Variants in PTCHD4 observed in about 807,000 individuals in gnomAD.
PTCHD4 encodes patched domain containing 4.
In PTCHD4, 33 loss-of-function variants were observed where a neutral mutation model predicts 58.1. That is an observed-to-expected ratio of 0.57 (90% CI 0.43 to 0.76). PTCHD4 has a LOEUF of 0.76. Ranked by LOEUF, PTCHD4 falls within the 30% of genes least tolerant of loss-of-function variation. The pLI is 0.00. For synonymous variants in PTCHD4, 478 were observed against 409.6 expected (o/e 1.17, Z -2.02); for missense variants, 1,058 against 1,027.1 (o/e 1.03, Z -0.41).
At chr6:47,901,777 T>A in intron 4 of PTCHD4, 1 of 1,236,786 alleles carries the variant, frequency 8.1e-7, no homozygotes, top group Non-Finnish European at 1.0e-6. Flanking sequence ...ATGATGATGA[T>A]GACGATGATG....
At chr6:48,006,328 C>T (rs1435229579) in intron 4 of PTCHD4, among the ~76,000 whole-genome samples, 1 of 152,206 alleles carries the variant, frequency 6.6e-6, no homozygotes, top group Non-Finnish European at 1.5e-5. Context: ...TCTCGGGCTT[C>T]ACAGAGCCTA....
chr6:48,078,599 G>A (rs542618526), intron 1 of PTCHD4, among the ~76,000 whole-genome samples: 2 of 152,228 alleles, frequency 1.3e-5, no homozygotes, highest in East Asian at 3.9e-4. Flanking sequence ...AAATCCAATA[G>A]TAATATAAGT....
chr6:47,881,140 G>A (rs1764010897), intron 4 of PTCHD4, among the ~76,000 whole-genome samples: 1 of 152,172 alleles, frequency 6.6e-6, no homozygotes, highest in African/African-American at 2.4e-5. Flanking sequence ...ACTAGTTTAT[G>A]AAAACCTGGA....
At chr6:48,051,046 T>A (rs332565) in intron 3 of PTCHD4, among the ~76,000 whole-genome samples, 21,466 of 152,034 alleles carry the variant, frequency 0.14, 1,928 homozygotes, top group Middle Eastern at 0.28. Context: ...AATTTGTAGA[T>A]GAACATCAAT....
At chr6:47,980,263 C>T (rs1192784436) in intron 4 of PTCHD4, among the ~76,000 whole-genome samples, 1 of 151,776 alleles carries the variant, frequency 6.6e-6, no homozygotes, top group African/African-American at 2.4e-5. Flanking sequence ...GCACTTTAGG[C>T]CACAAAACCC....
intron 4 of PTCHD4, among the ~76,000 whole-genome samples, chr6:47,962,824 C>G (rs1397785797): frequency 6.7e-6 from 1 of 149,400 alleles, no homozygotes; most frequent in Non-Finnish European, 1.5e-5. Context: ...ATTCCTACAA[C>G]TCAGCAAAAA....
At chr6:48,037,335 C>A (rs1763676421) in intron 3 of PTCHD4, among the ~76,000 whole-genome samples, 1 of 152,070 alleles carries the variant, frequency 6.6e-6, no homozygotes, top group Non-Finnish European at 1.5e-5. Flanking sequence ...ACAGTATATA[C>A]AGGGTTTGGT....
At chr6:48,080,204 A>G (rs1467370371) in intron 1 of PTCHD4, among the ~76,000 whole-genome samples, 1 of 152,146 alleles carries the variant, frequency 6.6e-6, no homozygotes, top group Non-Finnish European at 1.5e-5. Flanking sequence ...AGCCTGTCAA[A>G]CAAAGTGAAG....
intron 3 of PTCHD4, among the ~76,000 whole-genome samples, chr6:48,041,146 G>A (rs945083762): frequency 2.6e-5 from 4 of 152,062 alleles, no homozygotes; most frequent in Non-Finnish European, 5.9e-5. Flanking sequence ...GTTCAGTTGA[G>A]TGAGCAAACT....
chr6:48,059,379 G>T (rs1275456764), intron 3 of PTCHD4, among the ~76,000 whole-genome samples: 1 of 152,158 alleles, frequency 6.6e-6, no homozygotes, highest in African/African-American at 2.4e-5. Context: ...GGTGGTTCAC[G>T]CCTGTAATCC....
chr6:47,929,482 T>C (rs941603796), intron 4 of PTCHD4, among the ~76,000 whole-genome samples: 1 of 152,228 alleles, frequency 6.6e-6, no homozygotes, highest in African/African-American at 2.4e-5. Context: ...CTTGCGGTCA[T>C]TTTAAGATGC....
intron 4 of PTCHD4, among the ~76,000 whole-genome samples, chr6:47,982,664 T>C (rs190182381): frequency 0.011 from 1,659 of 152,154 alleles, 19 homozygotes; most frequent in Non-Finnish European, 0.017. Flanking sequence ...ATTTTTTGTA[T>C]TTTCAGTAGA....
chr6:48,053,492 G>A (rs999139650), intron 3 of PTCHD4, among the ~76,000 whole-genome samples: 1 of 136,184 alleles, frequency 7.3e-6, no homozygotes, highest in Non-Finnish European at 1.6e-5. Flanking sequence ...GGAAATCAGA[G>A]AGCTAATAAC....
intron 3 of PTCHD4, among the ~76,000 whole-genome samples, chr6:48,042,698 A>G (rs1409932309): frequency 2.6e-5 from 4 of 151,884 alleles, no homozygotes; most frequent in African/African-American, 9.7e-5. Context: ...AGGCCACTGC[A>G]TTGCAGTTTT....
intron 3 of PTCHD4, among the ~76,000 whole-genome samples, chr6:48,045,598 A>G (rs1171074460): frequency 6.6e-6 from 1 of 151,832 alleles, no homozygotes; most frequent in African/African-American, 2.4e-5. Flanking sequence ...TAGACACTGA[A>G]AAGCATGTCT....
intron 4 of PTCHD4, among the ~76,000 whole-genome samples, chr6:47,893,078 T>G (rs1447391450): frequency 6.6e-6 from 1 of 152,242 alleles, no homozygotes; most frequent in Non-Finnish European, 1.5e-5. Flanking sequence ...TGGTGCGATC[T>G]TGGCTCACTG....
chr6:47,991,649 T>TAC (rs1241229781), intron 4 of PTCHD4, among the ~76,000 whole-genome samples: 2 of 152,050 alleles, frequency 1.3e-5, no homozygotes, highest in African/African-American at 4.8e-5. Flanking sequence ...ACAATAGACT[T>TAC]AAAGTGCTAG....
intron 4 of PTCHD4, among the ~76,000 whole-genome samples, chr6:47,938,691 T>C (rs1418863176): frequency 6.6e-6 from 1 of 152,196 alleles, no homozygotes; most frequent in East Asian, 1.9e-4. Context: ...AGTGGTGTGC[T>C]TGTGTGTTTT....
At chr6:47,957,870 C>T (rs1038657740) in intron 4 of PTCHD4, among the ~76,000 whole-genome samples, 2 of 152,078 alleles carry the variant, frequency 1.3e-5, no homozygotes, top group African/African-American at 4.8e-5. Context: ...TCCCAAAGTG[C>T]TGGGATTACA....
Sources: allele counts gnomAD v4.1 joint callset (sites outside exome capture counted in the v4.1 genomes callset), GRCh38; gene constraint gnomAD v4.1.1; transcripts MANE v1.5; gene names NCBI Gene and HGNC (gene_info 2026-07-23, HGNC 2026-07-21).